The following PDZD9 variants were observed in gnomAD, a reference collection of about 807,000 sequenced individuals.
PDZD9 encodes the protein PDZ domain containing 9.
A neutral mutation model predicts 16.3 loss-of-function variants in PDZD9; 13 were observed. The ratio of observed to expected loss-of-function variants is 0.80; its 90% CI spans 0.52 to 1.27. PDZD9 has a LOEUF of 1.27. PDZD9 is among the 50% of genes most tolerant of loss of function. The pLI, the probability that PDZD9 is intolerant of heterozygous loss-of-function variation, is 0.00. For synonymous variants in PDZD9, 120 were observed against 111.0 expected, an observed-to-expected ratio of 1.08 and a Z score of -0.51; for missense variants, 288 against 310.9, an observed-to-expected ratio of 0.93 and a Z score of 0.55.
the PDZD9 span, among the ~76,000 whole-genome samples, chr16:21,975,849 G>A: frequency 1.3e-5 from 2 of 152,164 alleles, no homozygotes; most frequent in Non-Finnish European, 2.9e-5. Flanking sequence ...CCAACACTTT[G>A]GGAGGTTAAG....
At chr16:21,965,288 C>T in the PDZD9 span, 1 of 813,142 alleles carries the variant, frequency 1.2e-6, no homozygotes, top group Non-Finnish European at 2.0e-6. Flanking sequence ...TTTAAGTCCT[C>T]TTAACATATG....
In PDZD9 at chr16:21,984,103, G is replaced by T; in HGVS notation, c.*164C>A. On this transcript the variant is annotated 3_prime_UTR_variant, in exon 4 of 4. Transcript: ENST00000424898. Reference sequence around the variant, plus strand: ...CTGCAAGAACCCAAGGAAGTCTTTAGATAATCCTGTTGAAGAACATCTCTA... The same window carrying T: ...CTGCAAGAACCCAAGGAAGTCTTTATATAATCCTGTTGAAGAACATCTCTA... 1 of 702,212 alleles carries T rather than the reference G, an allele frequency of 1.4e-6. No homozygotes were observed. 43.5% of individuals were successfully genotyped at this position (702,212 alleles called of 1,614,324 possible). A position where few individuals can be genotyped will look rare whatever the true frequency, so the allele number is the denominator to read the frequency against.
At chr16:22,000,844 A>G (rs905622043) in intron 1 of PDZD9, among the ~76,000 whole-genome samples, 173 bp downstream of exon 1, 1 of 151,494 alleles carries the variant, frequency 6.6e-6, no homozygotes, top group South Asian at 2.1e-4. Flanking sequence ...GATGATGATG[A>G]TGATGATGAT....
chr16:22,000,870 G>GATT, intron 1 of PDZD9, 147 bp downstream of exon 1: 1 of 618,816 alleles, frequency 1.6e-6, no homozygotes, highest in South Asian at 2.1e-5. Context: ...TGATGATGAT[G>GATT]ATGATAATGA....
intron 2 of PDZD9, chr16:21,995,097 A>C: frequency 2.6e-6 from 1 of 390,944 alleles, no homozygotes; most frequent in Non-Finnish European, 5.2e-6. Context: ...GCCTGGGGGG[A>C]GGTGACTGGA....
the PDZD9 span, chr16:21,976,326 A>G: frequency 1.7e-6 from 2 of 1,206,558 alleles, no homozygotes; most frequent in Admixed American, 1.8e-5. Flanking sequence ...ATTACAATCT[A>G]TGCTCATAAG....
downstream of PDZD9, among the ~76,000 whole-genome samples, chr16:21,981,825 A>G (rs1410133237): frequency 6.6e-6 from 1 of 151,294 alleles, no homozygotes. Context: ...CTTCGCCCCA[A>G]TCGTCATTTC....
the PDZD9 span, among the ~76,000 whole-genome samples, chr16:21,973,731 A>G: frequency 6.6e-6 from 1 of 152,226 alleles, no homozygotes; most frequent in African/African-American, 2.4e-5. Context: ...GAAAGAGGTA[A>G]CCTATTTACA....
the PDZD9 span, among the ~76,000 whole-genome samples, chr16:21,966,567 T>C: frequency 6.6e-6 from 1 of 152,230 alleles, no homozygotes; most frequent in African/African-American, 2.4e-5. Context: ...TCTCGTTTTA[T>C]TCTTAGTTAG....
At chr16:21,997,540 C>T (rs1030696659) in intron 1 of PDZD9, among the ~76,000 whole-genome samples, 3 of 152,086 alleles carry the variant, frequency 2.0e-5, no homozygotes, top group Non-Finnish European at 4.4e-5. Context: ...AATGAAATGA[C>T]ATGAAAATGA....
chr16:21,992,263 T>TA (rs572741047), intron 2 of PDZD9, among the ~76,000 whole-genome samples: 1 of 151,894 alleles, frequency 6.6e-6, no homozygotes, highest in African/African-American at 2.4e-5. Flanking sequence ...AAATTGGAGT[T>TA]AAAAAAAGAT....
chr16:21,973,823 A>G, the PDZD9 span: 1 of 1,428,026 alleles, frequency 7.0e-7, no homozygotes, highest in South Asian at 1.2e-5. Flanking sequence ...AGTTTTTTCT[A>G]GGCAAACTTA....
chr16:21,983,169 T>C, downstream of PDZD9: 1 of 1,613,820 alleles, frequency 6.2e-7, no homozygotes, highest in Non-Finnish European at 8.5e-7. Flanking sequence ...TGATGAGTTG[T>C]AATACTGATG....
chr16:21,967,437 GT>G, the PDZD9 span, among the ~76,000 whole-genome samples: 131 of 146,916 alleles, frequency 8.9e-4, 2 homozygotes, highest in African/African-American at 2.7e-3. Context: ...GAAGTCGTAA[GT>G]TTTTTTTTTT....
chr16:21,958,544 G>A, the PDZD9 span: 2 of 1,612,166 alleles, frequency 1.2e-6, no homozygotes, highest in South Asian at 1.1e-5. Flanking sequence ...GACGACAAAA[G>A]GAGCTTCATC....
chr16:21,986,191 CT>C (rs1898872296), intron 3 of PDZD9, among the ~76,000 whole-genome samples: 1 of 152,162 alleles, frequency 6.6e-6, no homozygotes, highest in African/African-American at 2.4e-5. Flanking sequence ...TTTATACTAG[CT>C]TTGTGAAAGC....
chr16:21,998,781 A>AAAG (rs1314994065), intron 1 of PDZD9: 1 of 143,642 alleles, frequency 7.0e-6, no homozygotes, highest in East Asian at 1.9e-4. Flanking sequence ...CCATCTCAAA[A>AAAG]AAAAAAAAAA....
the PDZD9 span, chr16:21,971,670 A>G: frequency 1.3e-6 from 2 of 1,569,916 alleles, no homozygotes; most frequent in African/African-American, 1.4e-5. Flanking sequence ...GCGTTTCCCC[A>G]CTAGAATAGC....
At position 21,996,422 on chromosome 16, in the gene PDZD9, G is replaced by A. The variant is rs568631447; in HGVS notation, c.111C>T (p.Ser37=). 6.5e-7 allele frequency: 1 copy of A among 1,536,036 alleles called. No individual in the cohort carries two copies. Among genetic ancestry groups the A allele is most frequent in the East Asian group, 2.4e-5 (1 of 40,914 alleles). Residue 37 remains serine (S), a synonymous_variant, in exon 2 of 4, where the codon AGC becomes AGT. Transcript: ENST00000424898. ...KTQQTKLTVG[S]LGLGLIIIQH... ...GGATGATGATGAGGCCTAATCCCAG[G>A]CTACCCACAGTGAGTTTGGTCTGCT...
Sources: gnomAD v4.1 joint callset for allele counts (sites outside exome capture counted in the v4.1 genomes callset) on GRCh38, gnomAD v4.1.1 for gene constraint, MANE v1.5 for transcripts, NCBI Gene and HGNC (gene_info 2026-07-23, HGNC 2026-07-21) for gene names.